CTNNA3: variants seen among roughly 807,000 people sequenced by gnomAD.
CTNNA3 encodes the protein catenin alpha 3, also known as catenin alpha-3.
Under a neutral mutation model 95.7 loss-of-function variants are expected in CTNNA3, and 76 were observed. The ratio of observed to expected loss-of-function variants is 0.79; its 90% CI spans 0.66 to 0.96. CTNNA3 has a LOEUF of 0.96. Ranked by LOEUF, CTNNA3 falls within the 40% of genes least tolerant of loss-of-function variation. CTNNA3 has a pLI of 0.00. For synonymous variants in CTNNA3, 431 were observed against 374.4 expected, an observed-to-expected ratio of 1.15 and a Z score of -1.74; for missense variants, 1,191 against 1,089.8, an observed-to-expected ratio of 1.09 and a Z score of -1.31.
chr10:66,110,662 C>T (rs2082088675), intron 13 of CTNNA3, among the ~76,000 whole-genome samples: 1 of 152,140 alleles, frequency 6.6e-6, no homozygotes, highest in African/African-American at 2.4e-5. Flanking sequence ...ATGAGATTAT[C>T]TAAAGATATC....
chr10:65,983,797 C>G (rs970128690), intron 16 of CTNNA3, among the ~76,000 whole-genome samples: 9 of 151,380 alleles, frequency 5.9e-5, no homozygotes, highest in Middle Eastern at 3.4e-3. Context: ...TTCTAACTAG[C>G]TAATGCCAAT....
chr10:66,228,881 A>G (rs1215227551), intron 13 of CTNNA3, among the ~76,000 whole-genome samples: 1 of 152,138 alleles, frequency 6.6e-6, no homozygotes, highest in Non-Finnish European at 1.5e-5. Flanking sequence ...TTTATTTATC[A>G]TTATATAATA....
chr10:66,565,480 G>A lies in CTNNA3; in HGVS notation c.1375-44707C>T, dbSNP rs78304352. Among the ~76,000 whole-genome samples, 313 of 152,180 alleles carry A rather than the reference G, an allele frequency of 2.1e-3. 12 individuals carry two copies. The East Asian group carries it at 0.05, about 24-fold the overall frequency. On this transcript the variant is annotated intron_variant, in intron 10 of 17. Transcript: ENST00000433211. ...TGCACTTAGAAGTAATACGTGAGAC[G>A]GATCTTAATTAATATTCCATAAAGG...
At chr10:66,850,436 T>C (rs1315428840) in intron 7 of CTNNA3, among the ~76,000 whole-genome samples, 1 of 152,132 alleles carries the variant, frequency 6.6e-6, no homozygotes, top group South Asian at 2.1e-4. Flanking sequence ...TTTTCTTTTT[T>C]AAAAAATCTA....
chr10:67,514,710 T>G (rs1274512644), intron 5 of CTNNA3, among the ~76,000 whole-genome samples: 1 of 144,204 alleles, frequency 6.9e-6, no homozygotes, highest in Non-Finnish European at 1.5e-5. Context: ...GTTTTTGTTT[T>G]GTTTTTGTTG....
At position 66,361,820 on chromosome 10, in the gene CTNNA3, G is replaced by T. The variant is rs1486406102; in HGVS notation, c.1732+17332C>A. Among the ~76,000 whole-genome samples the T allele has an allele frequency of 2.0e-5, 3 of 152,050 alleles. No individual in the cohort carries two copies. The East Asian group carries it at 5.8e-4, about 29-fold the overall frequency. ...CCCAAAGTGCTGGAATTACAGGTAT[G>T]AGCCACCATGCCCAACCTAACCATT... On this transcript the variant is annotated intron_variant, in intron 12 of 17. Coordinates refer to ENST00000433211, the MANE Select transcript of CTNNA3 (RefSeq NM_013266.4).
intron 10 of CTNNA3, among the ~76,000 whole-genome samples, chr10:66,542,159 G>C (rs557953484): frequency 2.6e-3 from 400 of 152,166 alleles, no homozygotes; most frequent in Non-Finnish European, 4.3e-3. Context: ...CACTGGCCAT[G>C]AGAGAAATGC....
chr10:67,721,708 G>A (rs759829813), intron 1 of CTNNA3, among the ~76,000 whole-genome samples: 10 of 152,050 alleles, frequency 6.6e-5, no homozygotes, highest in Non-Finnish European at 1.0e-4. Context: ...TTGCTGGCGA[G>A]GAGTTGTGAT....
At chr10:65,928,487 C>T (rs968856554) in intron 17 of CTNNA3, among the ~76,000 whole-genome samples, 1 of 152,132 alleles carries the variant, frequency 6.6e-6, no homozygotes, top group African/African-American at 2.4e-5. Context: ...GCAATATGAT[C>T]CATGTAGGTG....
intron 7 of CTNNA3, among the ~76,000 whole-genome samples, chr10:66,866,329 A>T (rs118048387): frequency 6.6e-6 from 1 of 152,252 alleles, no homozygotes; most frequent in Non-Finnish European, 1.5e-5. Context: ...TGATTGTGAG[A>T]TCTCTGAAGA....
At chr10:66,182,868 G>A (rs1007384317) in intron 13 of CTNNA3, among the ~76,000 whole-genome samples, 1 of 152,088 alleles carries the variant, frequency 6.6e-6, no homozygotes, top group Admixed American at 6.5e-5. Context: ...TCTATTATGT[G>A]TCAAACTTAC....
At chr10:66,572,849 T>C (rs553351231) in intron 10 of CTNNA3, among the ~76,000 whole-genome samples, 1 of 152,284 alleles carries the variant, frequency 6.6e-6, no homozygotes, top group Admixed American at 6.5e-5. Context: ...TGCTTTACCA[T>C]CATCTGCCAA....
chr10:67,331,551 G>A (rs1361591165), intron 5 of CTNNA3, among the ~76,000 whole-genome samples: 2 of 152,104 alleles, frequency 1.3e-5, no homozygotes, highest in Non-Finnish European at 2.9e-5. Context: ...GAATGGGCTA[G>A]TTCAGATTTG....
At chr10:66,168,627 A>G (rs2085262376) in intron 13 of CTNNA3, among the ~76,000 whole-genome samples, 2 of 152,176 alleles carry the variant, frequency 1.3e-5, no homozygotes, top group African/African-American at 4.8e-5. Flanking sequence ...TGATCAGCTC[A>G]TCTAAACTAG....
intron 10 of CTNNA3, among the ~76,000 whole-genome samples, chr10:66,552,939 T>A (rs150223858): frequency 0.016 from 2,387 of 152,196 alleles, 59 homozygotes; most frequent in African/African-American, 0.054. Flanking sequence ...TGATAGTTGA[T>A]AAGTATTTTA....
chr10:66,187,342 A>G (rs1466948244), intron 13 of CTNNA3, among the ~76,000 whole-genome samples: 7 of 151,404 alleles, frequency 4.6e-5, no homozygotes. Context: ...AACCACAAAA[A>G]AGGAAAAGCT....
rs563813362 is a variant in CTNNA3 at position 67,211,478 on chromosome 10, T to A, written c.843+8129A>T. Among the ~76,000 whole-genome samples the A allele has an allele frequency of 2.6e-5, 4 of 152,304 alleles. No individual in the cohort carries two copies. In the East Asian group the frequency reaches 7.7e-4, roughly 29 times the overall value. On this transcript the variant is annotated intron_variant, in intron 6 of 17. Transcript: ENST00000433211. ...CATCAAGATAAAGGAGATGTTGTCCTTCTTTTATTGGGTAAATATTTATTA... is the reference window on the plus strand; with the variant it reads ...CATCAAGATAAAGGAGATGTTGTCCATCTTTTATTGGGTAAATATTTATTA...
intron 1 of CTNNA3, among the ~76,000 whole-genome samples, chr10:67,712,565 G>A (rs893969678): frequency 9.2e-5 from 14 of 152,282 alleles, no homozygotes; most frequent in Non-Finnish European, 1.6e-4. Context: ...ATAGAGGTCC[G>A]GCCATGGCTT....
At chr10:66,560,238 AT>A (rs1460854761) in intron 10 of CTNNA3, among the ~76,000 whole-genome samples, 1 of 152,056 alleles carries the variant, frequency 6.6e-6, no homozygotes, top group African/African-American at 2.4e-5. Flanking sequence ...TTGTAGTCAG[AT>A]TATTCAGGTT....
Sources: gnomAD v4.1 joint callset for allele counts (sites outside exome capture counted in the v4.1 genomes callset) on GRCh38, gnomAD v4.1.1 for gene constraint, MANE v1.5 for transcripts, NCBI Gene and HGNC (gene_info 2026-07-23, HGNC 2026-07-21) for gene names.